Variants in ST3GAL1 observed in about 807,000 individuals in gnomAD.
ST3GAL1 encodes CMP-N-acetylneuraminate-beta-galactosamide-alpha-2,3-sialyltransferase 1.
In ST3GAL1, 16 loss-of-function variants were observed where a neutral mutation model predicts 34.1. The observed-to-expected ratio is 0.47, with a 90% CI of 0.32 to 0.71. The LOEUF (loss-of-function observed/expected upper bound fraction) is 0.71. ST3GAL1 is among the 30% of genes least tolerant of loss of function. ST3GAL1 has a pLI of 0.04. For missense variants in ST3GAL1, 353 were observed against 447.4 expected (o/e 0.79, Z 1.90); for synonymous variants, 191 against 184.7 (o/e 1.03, Z -0.28).
chr8:133,472,507 A>G (rs1055088091), intron 5 of ST3GAL1, among the ~76,000 whole-genome samples: 1 of 152,240 alleles, frequency 6.6e-6, no homozygotes, highest in African/African-American at 2.4e-5. Flanking sequence ...TCCATTCATG[A>G]AATGGTCCTG....
rs200251046 is a variant in ST3GAL1 at position 133,475,896 on chromosome 8, G to C, written c.129C>G (p.Val43=). The change falls in exon 5 of 10, where the codon GTC becomes GTG. Residue 43 remains valine, a synonymous_variant. Transcript: ENST00000522652. ...VATTWFPKQM[V]LELSENLKRL... is the part of the protein sequence containing the mutation. The stretch of plus-strand genomic sequence containing the variant: ...TCTTCAGGTTCTCGGAGAGCTCCAG[G>C]ACCATCTGCTTGGGGAACCAGGTGG... 3.7e-6 allele frequency: 6 copies of C among 1,613,994 alleles called. No homozygotes were observed. The highest frequency in any genetic ancestry group is 5.1e-6 in the Non-Finnish European group (6 of 1,180,044).
intron 5 of ST3GAL1, among the ~76,000 whole-genome samples, chr8:133,474,414 A>T (rs150004820): frequency 2.6e-5 from 4 of 152,372 alleles, no homozygotes; most frequent in Non-Finnish European, 5.9e-5. Flanking sequence ...TAAATAAGAC[A>T]TGAACACATA....
chr8:133,460,715 C>T lies in ST3GAL1; in HGVS notation c.850-778G>A, dbSNP rs79118368. Among the ~76,000 whole-genome samples, 639 of 152,196 alleles carry T rather than the reference C, an allele frequency of 4.2e-3. 3 individuals carry two copies. Among genetic ancestry groups the T allele is most frequent in the African/African-American group, 0.014 (587 of 41,496 alleles). ...GAAATGGGGCTAAATTCAGGGCTCCCGCAGCACAGAGGAGGGAGGAGCTAT... is the reference window on the plus strand; with the variant it reads ...GAAATGGGGCTAAATTCAGGGCTCCTGCAGCACAGAGGAGGGAGGAGCTAT... On this transcript the variant is annotated intron_variant, in intron 9 of 9. Transcript: ENST00000522652.
At chr8:133,482,296 C>T (rs1472754831) in intron 3 of ST3GAL1, among the ~76,000 whole-genome samples, 1 of 152,120 alleles carries the variant, frequency 6.6e-6, no homozygotes, top group Non-Finnish European at 1.5e-5. Context: ...TCTGCCATTG[C>T]CCAAAGTAGA....
chr8:133,565,743 G>A (rs2131117785), intron 1 of ST3GAL1, among the ~76,000 whole-genome samples: 1 of 152,340 alleles, frequency 6.6e-6, no homozygotes, highest in Middle Eastern at 3.4e-3. Context: ...CAGAGGGAGT[G>A]GGAATTTATA....
intron 1 of ST3GAL1, among the ~76,000 whole-genome samples, chr8:133,559,683 A>C (rs1229076565): frequency 1.3e-5 from 2 of 152,194 alleles, no homozygotes; most frequent in African/African-American, 4.8e-5. Flanking sequence ...CTTTCTCTCC[A>C]TTGTGAAGAT....
intron 3 of ST3GAL1, among the ~76,000 whole-genome samples, chr8:133,478,539 G>A (rs1483374215): frequency 6.6e-6 from 1 of 152,154 alleles, no homozygotes; most frequent in Non-Finnish European, 1.5e-5. Context: ...CCCTTTATGG[G>A]GTAAAGTAGG....
At chr8:133,540,304 G>A (rs906620371) in intron 2 of ST3GAL1, among the ~76,000 whole-genome samples, 11 of 152,180 alleles carry the variant, frequency 7.2e-5, no homozygotes, top group African/African-American at 1.7e-4. Flanking sequence ...GCTGCCCATC[G>A]GAATATTGAA....
chr8:133,562,569 A>T (rs1347398519), intron 1 of ST3GAL1, among the ~76,000 whole-genome samples: 1 of 151,990 alleles, frequency 6.6e-6, no homozygotes, highest in African/African-American at 2.4e-5. Context: ...CTGAGGGCCA[A>T]CTCGGGTCAG....
chr8:133,508,817 C>A lies in ST3GAL1; in HGVS notation c.-428-9628G>T, dbSNP rs965675070. Among the ~76,000 whole-genome samples the A allele has an allele frequency of 2.6e-5, 4 of 152,052 alleles. No homozygotes were observed. The highest frequency in any genetic ancestry group is 2.0e-4 in the Admixed American group (3 of 15,270). On this transcript the variant is annotated intron_variant, in intron 2 of 9. Transcript: ENST00000522652. This position sits in a 1 kb window ranked among gnomAD's most constrained non-coding sequence, Gnocchi z 4.1. The stretch of plus-strand genomic sequence containing the variant: ...CCTCTCTGAAAGCTTGTGCATCATA[C>A]AAAACAGTGCAGATAATGGTAAATG...
At chr8:133,477,933 A>G (rs1816240860) in intron 3 of ST3GAL1, among the ~76,000 whole-genome samples, 1 of 152,188 alleles carries the variant, frequency 6.6e-6, no homozygotes, top group African/African-American at 2.4e-5. Context: ...CTCCAAAACC[A>G]TATTAAATCC....
In ST3GAL1 at chr8:133,570,241, GGGCTTGGGGACCCGCGA is replaced by G. The variant is rs1165618867; in HGVS notation, c.-582+1435_-582+1451del. The G allele has an allele frequency of 6.6e-6, 1 of 152,324 alleles. No homozygotes were observed. Among genetic ancestry groups the G allele is most frequent in the African/African-American group, 2.4e-5 (1 of 41,486 alleles). The allele number at this position is 152,324 out of a possible 1,614,324, so 9.4% of individuals were successfully genotyped here. On this transcript the variant is annotated intron_variant, in intron 1 of 9. Coordinates refer to ENST00000522652, the MANE Select transcript of ST3GAL1 (RefSeq NM_173344.3). This position sits in a 1 kb window ranked among gnomAD's most constrained non-coding sequence, Gnocchi z 5.6. ...AGAACCAGCTCGTCGCAAACTTGCG[GGGCTTGGGGACCCGCGA>G]GGGGGAGAAGTCGGGAGAGGCCAGG...
chr8:133,461,723 C>T lies in ST3GAL1; in HGVS notation c.849+152G>A, dbSNP rs565571329. 9.2e-7 allele frequency: 1 copy of T among 1,085,770 alleles called. No individual in the cohort carries two copies. The highest frequency in any genetic ancestry group is 2.4e-5 in the East Asian group (1 of 41,336). The allele number at this position is 1,085,770 out of a possible 1,614,324, so 67.3% of individuals were successfully genotyped here. A position where few individuals can be genotyped will look rare whatever the true frequency, so the allele number is the denominator to read the frequency against. On this transcript the variant is annotated intron_variant, in intron 9 of 9. Coordinates refer to ENST00000522652, the MANE Select transcript of ST3GAL1 (RefSeq NM_173344.3). This position sits in a 1 kb window ranked among gnomAD's most constrained non-coding sequence, Gnocchi z 4.7. ...TTACTCACTAAAACACCCTGGGAGA[C>T]ACATGTTGCAAGTCCTGTCGTAGAG... is the stretch of plus-strand genomic sequence containing the variant.
chr8:133,498,865 G>C (rs977019360), intron 3 of ST3GAL1, among the ~76,000 whole-genome samples: 1 of 152,162 alleles, frequency 6.6e-6, no homozygotes. Flanking sequence ...CAGTGAGCTC[G>C]ATCCTGAACC....
At chr8:133,497,479 T>G (rs1464041587) in intron 3 of ST3GAL1, among the ~76,000 whole-genome samples, 2 of 140,468 alleles carry the variant, frequency 1.4e-5, no homozygotes, top group African/African-American at 2.7e-5. Context: ...TTTTTTTTTT[T>G]TTTTTTTGTG....
At chr8:133,517,143 G>C (rs756165746) in intron 2 of ST3GAL1, among the ~76,000 whole-genome samples, 15 of 152,180 alleles carry the variant, frequency 9.9e-5, no homozygotes, top group Non-Finnish European at 2.1e-4. Flanking sequence ...GACGTTTTCA[G>C]TAACACAGTG....
At chr8:133,471,445 A>G (rs1445692910) in intron 5 of ST3GAL1, among the ~76,000 whole-genome samples, 1 of 152,212 alleles carries the variant, frequency 6.6e-6, no homozygotes, top group African/African-American at 2.4e-5. Context: ...TGGTTGCCCT[A>G]TGCAGGACCC....
intron 2 of ST3GAL1, among the ~76,000 whole-genome samples, chr8:133,529,327 T>G (rs140520293): frequency 1.3e-5 from 2 of 152,184 alleles, no homozygotes; most frequent in South Asian, 2.1e-4. Context: ...GCAGTTCTGA[T>G]GAAGAAGAGA....
chr8:133,553,605 T>A (rs951845505), intron 1 of ST3GAL1, among the ~76,000 whole-genome samples: 1 of 152,204 alleles, frequency 6.6e-6, no homozygotes, highest in African/African-American at 2.4e-5. Flanking sequence ...CATAGGGTTA[T>A]GAGAATGAAT....
Sources: allele counts gnomAD v4.1 joint callset (sites outside exome capture counted in the v4.1 genomes callset), GRCh38; gene constraint gnomAD v4.1.1; non-coding constraint Gnocchi (gnomAD v3.1); transcripts MANE v1.5; gene names NCBI Gene and HGNC (gene_info 2026-07-23, HGNC 2026-07-21).